RAB27B: variants seen among roughly 807,000 people sequenced by gnomAD.
RAB27B encodes the protein ras-related protein Rab-27B.
Under a neutral mutation model 24.6 loss-of-function variants are expected in RAB27B, and 15 were observed. The ratio of observed to expected loss-of-function variants is 0.61; its 90% CI spans 0.41 to 0.94. The LOEUF (loss-of-function observed/expected upper bound fraction) is 0.94, where lower values mean the gene tolerates loss of function less well. Among genes scored for constraint, RAB27B ranks in the 40% least tolerant of loss-of-function variants. The probability of loss-of-function intolerance (pLI) is 0.00; values close to 1 mark genes in which losing one functional copy is unlikely to be tolerated. For synonymous variants in RAB27B, 105 were observed against 92.5 expected, an observed-to-expected ratio of 1.14 and a Z score of -0.78; for missense variants, 261 against 266.8, an observed-to-expected ratio of 0.98 and a Z score of 0.15.
At chr18:54,842,745 C>T (rs1245018642) in intron 1 of RAB27B, among the ~76,000 whole-genome samples, 3 of 152,170 alleles carry the variant, frequency 2.0e-5, no homozygotes, top group African/African-American at 4.8e-5. Context: ...ATTTCACCCT[C>T]CATCCACTAG....
chr18:54,845,037 CTACTT>C (rs1326004692), intron 1 of RAB27B, among the ~76,000 whole-genome samples: 2 of 152,172 alleles, frequency 1.3e-5, no homozygotes, highest in Non-Finnish European at 2.9e-5. Flanking sequence ...ATGTATTAGG[CTACTT>C]TTCTCTAAGA....
intron 2 of RAB27B, among the ~76,000 whole-genome samples, chr18:54,750,725 G>A (rs1173844031): frequency 1.3e-5 from 2 of 152,152 alleles, no homozygotes; most frequent in Non-Finnish European, 2.9e-5. Context: ...TTATAGAGAA[G>A]AATGATTAAT....
intron 1 of RAB27B, among the ~76,000 whole-genome samples, chr18:54,836,050 G>T (rs374219320): frequency 7.9e-5 from 12 of 151,940 alleles, no homozygotes; most frequent in East Asian, 7.7e-4. Flanking sequence ...ATGAAAAATG[G>T]ATAAAGACAG....
chr18:54,755,363 C>G (rs1446536922), intron 2 of RAB27B, among the ~76,000 whole-genome samples: 1 of 152,072 alleles, frequency 6.6e-6, no homozygotes, highest in Non-Finnish European at 1.5e-5. Flanking sequence ...GCACTCCAAC[C>G]TGGGCAACAG....
At chr18:54,817,683 A>G (rs1428652862) in intron 2 of RAB27B, among the ~76,000 whole-genome samples, 1 of 152,078 alleles carries the variant, frequency 6.6e-6, no homozygotes, top group Non-Finnish European at 1.5e-5. Flanking sequence ...TTAAGTTTAT[A>G]GCTATTCACT....
rs1555651351 is a variant in RAB27B, at chr18:54,733,660, C to CCCT, written c.-20+15521_-20+15522insTCC. On this transcript the variant is annotated intron_variant, in intron 2 of 4. Transcript: ENST00000586570. ...ATCTTCTGTTCTAGAGCCCCCCCCC[C>CCCT]CCAAATTTGCTAAGCTCCTTGGCCT... 2.1e-4 allele frequency among the ~76,000 whole-genome samples: 29 copies of CCCT among 139,420 alleles called. 1 individual carries two copies. Among genetic ancestry groups the CCCT allele is most frequent in the African/African-American group, 4.4e-4 (17 of 38,756 alleles). The allele number at this position is 139,420 out of a possible 152,430, so 91.5% of individuals were successfully genotyped here.
At chr18:54,807,303 C>T (rs1362158766) in intron 2 of RAB27B, among the ~76,000 whole-genome samples, 1 of 152,178 alleles carries the variant, frequency 6.6e-6, no homozygotes, top group East Asian at 1.9e-4. Context: ...ATCACCATCA[C>T]ATGCTGCATC....
In RAB27B at chr18:54,739,816, G is replaced by T. The variant is rs146490154; in HGVS notation, c.-20+21675G>T. On this transcript the variant is annotated intron_variant, in intron 2 of 4. Coordinates refer to the RAB27B transcript ENST00000586570. ...ATTTTTAAGTTTAACCCTTCTAGTGGGTATGTAGTGGTATCTCACTGTGAT... is the reference window on the plus strand; with the variant it reads ...ATTTTTAAGTTTAACCCTTCTAGTGTGTATGTAGTGGTATCTCACTGTGAT... Among the ~76,000 whole-genome samples, 899 of 152,064 alleles carry T rather than the reference G, an allele frequency of 5.9e-3. 10 individuals are homozygous for T. Among genetic ancestry groups the T allele is most frequent in the South Asian group, 0.016 (79 of 4,820 alleles).
intron 1 of RAB27B, among the ~76,000 whole-genome samples, chr18:54,837,327 C>T (rs1054807283): frequency 1.3e-5 from 2 of 151,946 alleles, no homozygotes; most frequent in Admixed American, 1.3e-4. Context: ...CGAGGGTGGG[C>T]ATTAACCAGA....
chr18:54,877,756 C>G lies in RAB27B; in HGVS notation c.153+18C>G, dbSNP rs776198440. 1 of 1,561,396 alleles carries G rather than the reference C, an allele frequency of 6.4e-7. No individual in the cohort carries two copies. The highest frequency in any genetic ancestry group is 1.2e-5 in the South Asian group (1 of 80,242). ...AACGTGTGGTGAGTTTTTAATCGTACTTCTAACCTTGTCACTCATCCCCCT... is the reference window on the plus strand; with the variant it reads ...AACGTGTGGTGAGTTTTTAATCGTAGTTCTAACCTTGTCACTCATCCCCCT... On this transcript the variant is annotated intron_variant, in intron 2 of 5. Transcript: ENST00000262094.
At chr18:54,843,329 A>T (rs1911192084) in intron 1 of RAB27B, among the ~76,000 whole-genome samples, 2 of 148,830 alleles carry the variant, frequency 1.3e-5, no homozygotes, top group Non-Finnish European at 3.0e-5. Context: ...TGGTAATAAC[A>T]TACCTATAAG....
chr18:54,855,003 TA>T (rs1911725423), intron 1 of RAB27B, among the ~76,000 whole-genome samples: 1 of 152,216 alleles, frequency 6.6e-6, no homozygotes, highest in South Asian at 2.1e-4. Context: ...TATAATGAAA[TA>T]ATTGTACAAC....
At chr18:54,849,487 G>A (rs1020634518) in intron 1 of RAB27B, among the ~76,000 whole-genome samples, 52 of 152,298 alleles carry the variant, frequency 3.4e-4, no homozygotes, top group Admixed American at 1.1e-3. Context: ...GGAGGCCGAG[G>A]GAGCGTGGAT....
rs983585836 is a variant in RAB27B, at chr18:54,857,113, C to T, written c.-19-20454C>T. Among the ~76,000 whole-genome samples, 17 of 152,280 alleles carry T rather than the reference C, an allele frequency of 1.1e-4. No homozygotes were observed. The South Asian group carries it at 1.9e-3, about 17-fold the overall frequency. ...AGTCAGGAACCAGAGAGACCATTAA[C>T]GATATACAGTTCCCAGGAAACTTTT... On this transcript the variant is annotated intron_variant, in intron 1 of 5. Coordinates refer to ENST00000262094, the MANE Select transcript of RAB27B (RefSeq NM_004163.4).
At position 54,894,342 on chromosome 18, in the gene RAB27B, T is replaced by C. The variant is rs1489130060; in HGVS notation, c.*4929T>C. The C allele has an allele frequency of 1.3e-5, 2 of 152,058 alleles. No individual in the cohort carries two copies. Among genetic ancestry groups the C allele is most frequent in the African/African-American group, 4.8e-5 (2 of 41,438 alleles). 9.4% of individuals were successfully genotyped at this position (152,058 alleles called of 1,614,324 possible). A position where few individuals can be genotyped will look rare whatever the true frequency, so the allele number is the denominator to read the frequency against. On this transcript the variant is annotated 3_prime_UTR_variant, in exon 6 of 6. Transcript: ENST00000262094. ...TCCAGCTGGTTGTGGAAGTAATGGC[T>C]AACATCCTTCAGCTGACTTTGTCTA...
chr18:54,837,637 C>T (rs1461662924), intron 1 of RAB27B, among the ~76,000 whole-genome samples: 3 of 151,870 alleles, frequency 2.0e-5, no homozygotes, highest in Non-Finnish European at 4.4e-5. Flanking sequence ...TCAAGGAGGT[C>T]CTGGAAAGAA....
At chr18:54,780,504 G>A (rs944920391) in intron 2 of RAB27B, among the ~76,000 whole-genome samples, 5 of 149,016 alleles carry the variant, frequency 3.4e-5, no homozygotes, top group African/African-American at 1.2e-4. Flanking sequence ...CGCCCTCACC[G>A]TGTCTCCCCT....
intron 2 of RAB27B, among the ~76,000 whole-genome samples, chr18:54,735,478 A>G (rs1255542893): frequency 6.6e-6 from 1 of 152,018 alleles, no homozygotes; most frequent in East Asian, 1.9e-4. Context: ...ATATGATATT[A>G]CTGGAACATG....
intron 1 of RAB27B, among the ~76,000 whole-genome samples, chr18:54,862,412 C>T (rs1389169201): frequency 6.6e-6 from 1 of 152,212 alleles, no homozygotes; most frequent in Non-Finnish European, 1.5e-5. Flanking sequence ...AGAAATCACT[C>T]TTAACTGCCA....
Sources: allele counts gnomAD v4.1 joint callset (sites outside exome capture counted in the v4.1 genomes callset), GRCh38; gene constraint gnomAD v4.1.1; transcripts MANE v1.5; gene names NCBI Gene and HGNC (gene_info 2026-07-23, HGNC 2026-07-21).